The following LRRC1 variants were observed in gnomAD, a reference collection of about 807,000 sequenced individuals.
The protein encoded by LRRC1 is leucine rich repeat containing 1, also known as leucine-rich repeat-containing protein 1.
In LRRC1, 28 loss-of-function variants were observed where a neutral mutation model predicts 69.9. That is an observed-to-expected ratio of 0.40 (90% confidence interval 0.30 to 0.55). LRRC1 has a LOEUF of 0.55. Ranked by LOEUF, LRRC1 falls within the 20% of genes least tolerant of loss-of-function variation. The pLI is 0.47. For synonymous variants in LRRC1, 236 were observed against 240.2 expected (o/e 0.98, Z 0.16); for missense variants, 498 against 609.0 (o/e 0.82, Z 1.92).
intron 2 of LRRC1, among the ~76,000 whole-genome samples, chr6:53,878,432 C>G (rs146863754): frequency 0.012 from 1,885 of 152,324 alleles, 40 homozygotes; most frequent in African/African-American, 0.042. Context: ...TTTCCTGCAA[C>G]TGGACAGTCC....
intron 1 of LRRC1, among the ~76,000 whole-genome samples, chr6:53,800,619 A>G (rs1251314389): frequency 6.6e-6 from 1 of 151,894 alleles, no homozygotes; most frequent in Non-Finnish European, 1.5e-5. Context: ...AGCCAGAATT[A>G]CATTTTTAAT....
At chr6:53,851,210 A>C (rs1766121874) in intron 2 of LRRC1, among the ~76,000 whole-genome samples, 1 of 40,214 alleles carries the variant, frequency 2.5e-5, no homozygotes, top group African/African-American at 1.1e-4. Context: ...ACACACGTGA[A>C]TATATATATA....
intron 2 of LRRC1, among the ~76,000 whole-genome samples, chr6:53,870,806 C>T (rs1193190414): frequency 1.3e-5 from 2 of 152,158 alleles, no homozygotes; most frequent in African/African-American, 4.8e-5. Flanking sequence ...ACTACCCTTC[C>T]TAGGCTCTCT....
Position 53,851,173 on chromosome 6 carries a change from G to GACACACACACACAC in LRRC1, c.277+8965_277+8978dup, listed in dbSNP as rs3222575. ...GTCTCCAGGGAAACAGAACTAATAGGACACACACACACACACACACACACA... is the reference window on the plus strand; with the variant it reads ...GTCTCCAGGGAAACAGAACTAATAGGACACACACACACACACACACACACACACACACACACACA... On this transcript the variant is annotated intron_variant, in intron 2 of 13. Transcript: ENST00000370888. Among the ~76,000 whole-genome samples, 95 of 144,780 alleles carry GACACACACACACAC rather than the reference G, an allele frequency of 6.6e-4. 1 individual carries two copies. In the East Asian group the frequency reaches 0.015, roughly 22 times the overall value. The allele number at this position is 144,780 out of a possible 152,430, so 95.0% of individuals were successfully genotyped here.
intron 2 of LRRC1, among the ~76,000 whole-genome samples, chr6:53,851,517 T>G (rs961046063): frequency 6.6e-6 from 1 of 152,170 alleles, no homozygotes; most frequent in East Asian, 1.9e-4. Context: ...CTGAGCAGAT[T>G]GGATGATGCC....
intron 10 of LRRC1, among the ~76,000 whole-genome samples, chr6:53,908,691 C>T (rs888490151): frequency 2.0e-5 from 3 of 152,096 alleles, no homozygotes; most frequent in Non-Finnish European, 2.9e-5. Context: ...GCAGCCTTTA[C>T]TTTCTTGAAA....
At chr6:53,885,757 G>A (rs1767453059) in intron 4 of LRRC1, among the ~76,000 whole-genome samples, 1 of 152,142 alleles carries the variant, frequency 6.6e-6, no homozygotes, top group Admixed American at 6.5e-5. Flanking sequence ...TATATAGAGT[G>A]AGCAGACTTG....
chr6:53,866,901 A>G (rs1311887334), intron 2 of LRRC1, among the ~76,000 whole-genome samples: 3 of 152,106 alleles, frequency 2.0e-5, no homozygotes, highest in African/African-American at 7.3e-5. Context: ...CCTAAGTCAG[A>G]TCAGATGATG....
At chr6:53,810,059 G>A (rs1178232385) in intron 1 of LRRC1, among the ~76,000 whole-genome samples, 2 of 152,196 alleles carry the variant, frequency 1.3e-5, no homozygotes, top group Non-Finnish European at 2.9e-5. Flanking sequence ...GCGGGAAGCA[G>A]GTAGGCAAAG....
intron 2 of LRRC1, among the ~76,000 whole-genome samples, chr6:53,852,546 G>C (rs1285548814): frequency 6.6e-6 from 1 of 152,186 alleles, no homozygotes; most frequent in Non-Finnish European, 1.5e-5. Context: ...AGGGATGGCT[G>C]ATGAAGAAAC....
At chr6:53,813,093 A>G (rs1038020381) in intron 1 of LRRC1, among the ~76,000 whole-genome samples, 5 of 152,080 alleles carry the variant, frequency 3.3e-5, no homozygotes, top group Admixed American at 2.0e-4. Context: ...CTGTACAGAG[A>G]GAGAGAAGGG....
chr6:53,910,424 G>A (rs756245122), intron 10 of LRRC1, among the ~76,000 whole-genome samples: 1 of 152,068 alleles, frequency 6.6e-6, no homozygotes, highest in Admixed American at 6.5e-5. Context: ...TGAATGATGT[G>A]TATAATGTCA....
intron 2 of LRRC1, among the ~76,000 whole-genome samples, chr6:53,846,728 T>C (rs969586717): frequency 7.0e-4 from 106 of 152,260 alleles, no homozygotes; most frequent in Admixed American, 2.0e-4. Context: ...CTACAAAAAG[T>C]GTACAGACTT....
chr6:53,876,125 G>A (rs1767059984), intron 2 of LRRC1, among the ~76,000 whole-genome samples: 1 of 152,150 alleles, frequency 6.6e-6, no homozygotes, highest in Non-Finnish European at 1.5e-5. Context: ...TGACTAGGGA[G>A]GCCTCACAAT....
At chr6:53,902,799 T>C in intron 9 of LRRC1, 52 bp downstream of exon 9, 1 of 1,186,560 alleles carries the variant, frequency 8.4e-7, no homozygotes, top group Non-Finnish European at 1.2e-6. Context: ...TAGATTCTAC[T>C]TAATTTGTAA....
At position 53,847,765 on chromosome 6, in the gene LRRC1, C is replaced by T. The variant is rs932071713; in HGVS notation, c.277+5538C>T. Among the ~76,000 whole-genome samples the T allele has an allele frequency of 5.9e-5, 9 of 152,164 alleles. 1 individual carries two copies. Among genetic ancestry groups the T allele is most frequent in the African/African-American group, 1.9e-4 (8 of 41,436 alleles). ...GTTTCATAAGATCTAAAACCAATCT[C>T]GAACCCTGTTGAAATGATAGCATCA... On this transcript the variant is annotated intron_variant, in intron 2 of 13. Transcript: ENST00000370888.
chr6:53,896,426 T>C (rs977225690), intron 4 of LRRC1, 72 bp from the exon 5 acceptor site: 1 of 1,262,352 alleles, frequency 7.9e-7, no homozygotes, highest in Non-Finnish European at 1.2e-6. Flanking sequence ...CCAGTGTGTG[T>C]ATGGGGGAAG....
chr6:53,896,524 T>A lies in LRRC1; in HGVS notation c.473T>A (p.Leu158Gln), dbSNP rs1215670038. 6.2e-7 allele frequency: 1 copy of A among 1,613,294 alleles called. No homozygotes were observed. Among genetic ancestry groups the A allele is most frequent in the Non-Finnish European group, 8.5e-7 (1 of 1,179,416 alleles). Residue 158 changes from leucine to glutamine, a missense_variant, in exon 5 of 14, where the codon CTG (leucine) becomes CAG (glutamine). Coordinates refer to ENST00000370888, the MANE Select transcript of LRRC1 (RefSeq NM_018214.5). The part of the protein sequence containing the change: ...GNLYNLASLE[L>Q]RENLLTYLPD... ...CTTTATAACCTGGCTTCACTGGAAC[T>A]GAGAGAGAATCTTCTTACATATCTT...
At chr6:53,914,032 A>G in intron 11 of LRRC1, 63 bp downstream of exon 11, 1 of 1,128,862 alleles carries the variant, frequency 8.9e-7, no homozygotes, top group Non-Finnish European at 1.3e-6. Context: ...CAATCTTGGC[A>G]GTGCATCTTC....
Sources: gnomAD v4.1 joint callset for allele counts (sites outside exome capture counted in the v4.1 genomes callset) on GRCh38, gnomAD v4.1.1 for gene constraint, MANE v1.5 for transcripts, NCBI Gene and HGNC (gene_info 2026-07-23, HGNC 2026-07-21) for gene names.